Variants in CCNL1 observed in about 807,000 individuals in gnomAD.
CCNL1 encodes the protein cyclin L1, also known as cyclin-L1.
CCNL1 carries 13 observed loss-of-function variants against 60.6 expected under a neutral mutation model. That is an observed-to-expected ratio of 0.21 (90% CI 0.14 to 0.34). The LOEUF (loss-of-function observed/expected upper bound fraction) is 0.34, where lower values mean the gene tolerates loss of function less well. Among genes scored for constraint, CCNL1 ranks in the 10% least tolerant of loss-of-function variants. The pLI is 1.00. For synonymous variants in CCNL1, 270 were observed against 244.3 expected, an observed-to-expected ratio of 1.10 and a Z score of -0.98; for missense variants, 481 against 664.3, an observed-to-expected ratio of 0.72 and a Z score of 3.03.
At chr3:157,146,605 T>G (rs758260206), downstream of CCNL1, 1 of 338,684 alleles carries the variant, frequency 3.0e-6, no homozygotes, top group South Asian at 2.1e-5. Context: ...CAAGACCTCG[T>G]CTCTAAAAAA....
At chr3:157,152,670 T>C in intron 4 of CCNL1, 2 of 1,093,748 alleles carry the variant, frequency 1.8e-6, no homozygotes, top group Non-Finnish European at 2.2e-6. Flanking sequence ...CCAACACACT[T>C]AGAACATTCT....
downstream of CCNL1, among the ~76,000 whole-genome samples, chr3:157,144,759 C>G (rs1371113647): frequency 6.6e-6 from 1 of 152,188 alleles, no homozygotes. Flanking sequence ...CTCAATATGT[C>G]CATGCTTTTA....
Position 157,148,249 on chromosome 3 carries a change from T to C in CCNL1, c.1573A>G (p.Arg525Gly), listed in dbSNP as rs772710305. Residue 525 changes from arginine (R) to glycine (G), a missense_variant, in exon 11 of 11, where the codon AGG becomes GGG. Coordinates refer to ENST00000295926, the MANE Select transcript of CCNL1 (RefSeq NM_020307.4). ...GGSRSGHGRH[R>G]R ...CTCAAAGGAAGAGAAAGTCAGCGCC[T>C]GTGCCTGCCATGTCCTGAGCGACTG... 6.2e-7 allele frequency: 1 copy of C among 1,612,400 alleles called. No homozygotes were observed. Among genetic ancestry groups the C allele is most frequent in the Non-Finnish European group, 8.5e-7 (1 of 1,178,790 alleles).
At chr3:157,156,465 A>G (rs964597368) in intron 3 of CCNL1, among the ~76,000 whole-genome samples, 1 of 152,358 alleles carries the variant, frequency 6.6e-6, no homozygotes, top group Non-Finnish European at 1.5e-5. Context: ...AAAAGTAAAT[A>G]TTTGGAAACT....
Position 157,160,109 on chromosome 3 carries a change from G to T in CCNL1, c.-15C>A, listed in dbSNP as rs778226371. On this transcript the variant is annotated 5_prime_UTR_variant, in exon 1 of 11. Coordinates refer to ENST00000295926, the MANE Select transcript of CCNL1 (RefSeq NM_020307.4). ...CCGGACGCCATAGTCTTAGCGAGCCGCACGCAAGCCCAACGCAGCCGGAAC... is the reference window on the plus strand; with the variant it reads ...CCGGACGCCATAGTCTTAGCGAGCCTCACGCAAGCCCAACGCAGCCGGAAC... 3.3e-6 allele frequency: 5 copies of T among 1,534,378 alleles called. No individual in the cohort carries two copies. Among genetic ancestry groups the T allele is most frequent in the African/African-American group, 1.4e-5 (1 of 72,858 alleles).
At chr3:157,158,672 G>A (rs1738814193) in intron 3 of CCNL1, 194 bp downstream of exon 3, 5 of 459,812 alleles carry the variant, frequency 1.1e-5, no homozygotes. Flanking sequence ...ACAAACTTTA[G>A]ATAACCGGTT....
At chr3:157,157,980 A>T (rs1048706072) in intron 3 of CCNL1, among the ~76,000 whole-genome samples, 1 of 152,208 alleles carries the variant, frequency 6.6e-6, no homozygotes, top group Non-Finnish European at 1.5e-5. Context: ...AACTCAGTAC[A>T]ATTTGTCTAA....
chr3:157,155,519 T>C (rs968964782), intron 3 of CCNL1, among the ~76,000 whole-genome samples: 5 of 152,210 alleles, frequency 3.3e-5, no homozygotes, highest in Non-Finnish European at 7.4e-5. Flanking sequence ...AATCCTGCTA[T>C]TTATTACCTG....
chr3:157,145,466 C>CAAAAAAAAA (rs1737755942), downstream of CCNL1, among the ~76,000 whole-genome samples: 63 of 88,962 alleles, frequency 7.1e-4, 4 homozygotes, highest in African/African-American at 2.0e-3. Context: ...AAAAAAAAAC[C>CAAAAAAAAA]AAAACGGGAT....
rs780959929 is a variant in CCNL1, at chr3:157,152,194, G to T, written c.657C>A (p.Thr219=). The T allele has an allele frequency of 6.2e-7, 1 of 1,611,826 alleles. No homozygotes were observed. Among genetic ancestry groups the T allele is most frequent in the South Asian group, 1.1e-5 (1 of 90,482 alleles). ...LQVLECERNQ[T]LVQTAWNYMN... is the part of the protein sequence containing the mutation. ...TGACTTACCAGGCAGTTTGAACCAG[G>T]GTTTGATTACGTTCACATTCTAAGA... The change falls in exon 5 of 11, where the codon ACC becomes ACA. Residue 219 remains threonine (T), a synonymous_variant. Transcript: ENST00000295926.
In CCNL1 at chr3:157,150,071, T is replaced by C. The variant is rs1319944566; in HGVS notation, c.873A>G (p.Arg291=). ...ACGAGTAAATAGAGAATACCTTTTT[T>C]CTGGTATAAAGCCTAAGTGTTTCTA... The part of the protein sequence containing the change: ...ICIETLRLYT[R]KKPNYELLEK... Residue 291 remains arginine (R), a synonymous_variant, in exon 7 of 11, where the codon AGA becomes AGG. Coordinates refer to ENST00000295926, the MANE Select transcript of CCNL1 (RefSeq NM_020307.4). 1.2e-6 allele frequency: 2 copies of C among 1,609,040 alleles called. No individual in the cohort carries two copies. The highest frequency in any genetic ancestry group is 1.7e-6 in the Non-Finnish European group (2 of 1,178,660).
Position 157,159,806 on chromosome 3 carries a change from G to T in CCNL1, c.289C>A (p.Leu97Ile). 1 of 1,538,022 alleles carries T rather than the reference G, an allele frequency of 6.5e-7. No individual in the cohort carries two copies. Among genetic ancestry groups the T allele is most frequent in the Non-Finnish European group, 8.8e-7 (1 of 1,136,224 alleles). ...GGAGCACTGACCTGCGGCAGCCGGA[G>T]GAGAATGCCGGCGGCCTGGATGAGC... Reference protein sequence around the residue: ...CELIQAAGILLRLPQVAMATG... With the variant: ...CELIQAAGILIRLPQVAMATG... The change falls in exon 1 of 11, where the codon CTC becomes ATC. Residue 97 changes from leucine (L) to isoleucine (I), a missense_variant. Physicochemically the swap from Leu to Ile is conservative, Grantham distance 5 (BLOSUM62 2). Coordinates refer to ENST00000295926, the MANE Select transcript of CCNL1 (RefSeq NM_020307.4).
chr3:157,150,250 C>A (rs1387856411), intron 6 of CCNL1, 32 bp downstream of exon 6: 2 of 1,611,320 alleles, frequency 1.2e-6, no homozygotes, highest in African/African-American at 2.7e-5. Context: ...TGTGATTTAT[C>A]CTACAGAACA....
Position 157,160,090 on chromosome 3 carries a change from G to A in CCNL1, c.5C>T (p.Ala2Val). The change falls in exon 1 of 11, where the codon GCG becomes GTG. Residue 2 changes from alanine (A) to valine (V), a missense_variant. Around this residue, in one of 5 missense-constraint regions of CCNL1, gnomAD observed 65 missense variants for 57.5 expected, o/e 1.13. Coordinates refer to ENST00000295926, the MANE Select transcript of CCNL1 (RefSeq NM_020307.4). ...AGTAGCTGTCGAATGAGGCCCGGACGCCATAGTCTTAGCGAGCCGCACGCA... is the reference window on the plus strand; with the variant it reads ...AGTAGCTGTCGAATGAGGCCCGGACACCATAGTCTTAGCGAGCCGCACGCA... M[A>V]SGPHSTATAA... is the part of the protein sequence containing the mutation. The A allele has an allele frequency of 6.5e-7, 1 of 1,547,380 alleles. No individual in the cohort carries two copies. Among genetic ancestry groups the A allele is most frequent in the Non-Finnish European group, 8.7e-7 (1 of 1,146,074 alleles).
At position 157,149,869 on chromosome 3, in the gene CCNL1, T is replaced by C; in HGVS notation, c.988A>G (p.Thr330Ala). ...LNPDGTPALS[T>A]LGGFSPASKP... ...GAGGCTGGAGAAAATCCACCCAGGG[T>C]TGAAAGGGCTGGAGTTCCATCCGGA... is the stretch of plus-strand genomic sequence containing the variant. The change falls in exon 8 of 11, where the codon ACC becomes GCC. Residue 330 changes from threonine (T) to alanine (A), a missense_variant. Thr to Ala is a moderately conservative substitution (Grantham distance 58). Transcript: ENST00000295926. 2 of 1,614,116 alleles carry C rather than the reference T, an allele frequency of 1.2e-6. No individual in the cohort carries two copies. The highest frequency in any genetic ancestry group is 1.7e-6 in the Non-Finnish European group (2 of 1,179,998).
chr3:157,153,377 T>G (rs1324627052), intron 3 of CCNL1: 3 of 413,200 alleles, frequency 7.3e-6, no homozygotes, highest in Non-Finnish European at 1.3e-5. Flanking sequence ...AATTCTGTAA[T>G]GAAAAAAATT....
chr3:157,152,271 A>G, intron 4 of CCNL1, 30 bp from the exon 5 acceptor site: 1 of 1,595,766 alleles, frequency 6.3e-7, no homozygotes, highest in East Asian at 2.2e-5. Context: ...AACTCAATTC[A>G]GTATACTGGT....
At chr3:157,143,747 G>A (rs1039626487), downstream of CCNL1, among the ~76,000 whole-genome samples, 1 of 152,110 alleles carries the variant, frequency 6.6e-6, no homozygotes, top group South Asian at 2.1e-4. Flanking sequence ...TGCAGAGTGG[G>A]ACCTGAATAA....
In CCNL1 at chr3:157,159,743, C is replaced by CGGAGG. The variant is rs775316473; in HGVS notation, c.303+44_303+48dup. 23 of 1,430,430 alleles carry CGGAGG rather than the reference C, an allele frequency of 1.6e-5. No homozygotes were observed. The Admixed American group carries it at 1.7e-4, about 10-fold the overall frequency. The allele number at this position is 1,430,430 out of a possible 1,614,324, so 88.6% of individuals were successfully genotyped here. The stretch of plus-strand genomic sequence containing the variant: ...TGATACTGAGATGCGGCGTAGGGGA[C>CGGAGG]GGAGGAGAGGAGAGGAGCGCCCGGC... On this transcript the variant is annotated intron_variant, in intron 1 of 10. Coordinates refer to ENST00000295926, the MANE Select transcript of CCNL1 (RefSeq NM_020307.4).
Sources: allele counts gnomAD v4.1 joint callset (sites outside exome capture counted in the v4.1 genomes callset), GRCh38; gene constraint gnomAD v4.1.1; regional missense constraint gnomAD v4.1.1; transcripts MANE v1.5; gene names NCBI Gene and HGNC (gene_info 2026-07-23, HGNC 2026-07-21).